The following RGL1 variants were observed in gnomAD, a reference collection of about 807,000 sequenced individuals.
The protein encoded by RGL1 is ral guanine nucleotide dissociation stimulator-like 1.
RGL1 carries 24 observed loss-of-function variants against 95.2 expected under a neutral mutation model. The ratio of observed to expected loss-of-function variants is 0.25; its 90% CI spans 0.18 to 0.35. The LOEUF (loss-of-function observed/expected upper bound fraction) is 0.35, where lower values mean the gene tolerates loss of function less well. RGL1 is among the 10% of genes least tolerant of loss of function. RGL1 has a pLI of 1.00. For missense variants in RGL1, 715 were observed against 936.3 expected, an observed-to-expected ratio of 0.76 and a Z score of 3.08; for synonymous variants, 329 against 344.9, an observed-to-expected ratio of 0.95 and a Z score of 0.51.
chr1:183,870,179 C>T lies in RGL1; in HGVS notation c.425+4106C>T, dbSNP rs546476538. ...AAATGACATCAGCCCCAAGTGAGGA[C>T]GGGACAGGGGCTTTGTAGTCCTCTG... On this transcript the variant is annotated intron_variant, in intron 4 of 17. Transcript: ENST00000360851. 2.6e-5 allele frequency among the ~76,000 whole-genome samples: 4 copies of T among 151,422 alleles called. No individual in the cohort carries two copies. In the South Asian group the frequency reaches 6.3e-4, roughly 24 times the overall value.
intron 2 of RGL1, among the ~76,000 whole-genome samples, chr1:183,819,202 T>G (rs1223476659): frequency 6.6e-6 from 1 of 152,214 alleles, no homozygotes; most frequent in Non-Finnish European, 1.5e-5. Context: ...AATAAGGCTT[T>G]GCCCTACATA....
At chr1:183,764,978 C>T (rs1658890586) in intron 2 of RGL1, among the ~76,000 whole-genome samples, 2 of 152,162 alleles carry the variant, frequency 1.3e-5, no homozygotes, top group African/African-American at 4.8e-5. Flanking sequence ...ATTCAACCTC[C>T]AAAGGCCTCT....
intron 2 of RGL1, among the ~76,000 whole-genome samples, chr1:183,767,456 T>C (rs1247017574): frequency 2.6e-5 from 4 of 152,188 alleles, no homozygotes; most frequent in Non-Finnish European, 5.9e-5. Context: ...GCTCCTGATA[T>C]GCAAATGAAT....
intron 3 of RGL1, among the ~76,000 whole-genome samples, chr1:183,850,565 T>G (rs1234040030): frequency 6.6e-6 from 1 of 152,200 alleles, no homozygotes; most frequent in African/African-American, 2.4e-5. Flanking sequence ...GTCTGTTCTT[T>G]GTCATACATT....
In RGL1 at chr1:183,776,031, A is replaced by T. The variant is rs1027707856; in HGVS notation, c.133-30344A>T. Among the ~76,000 whole-genome samples, 23 of 152,162 alleles carry T rather than the reference A, an allele frequency of 1.5e-4. 1 individual carries two copies. In the South Asian group the frequency reaches 3.9e-3, roughly 26 times the overall value. On this transcript the variant is annotated intron_variant, in intron 2 of 18. Coordinates refer to the RGL1 transcript ENST00000304685. Reference sequence around the variant, plus strand: ...AAACATCAAAAATAAATTGATTCCTACCTTTATAAATATAGAATAGGGAAT... The same window carrying T: ...AAACATCAAAAATAAATTGATTCCTTCCTTTATAAATATAGAATAGGGAAT...
chr1:183,802,045 T>C (rs879911113), upstream of RGL1, among the ~76,000 whole-genome samples: 1 of 152,104 alleles, frequency 6.6e-6, no homozygotes, highest in Non-Finnish European at 1.5e-5. Context: ...CTTTAAGGAG[T>C]TTTATAGTTT....
intron 1 of RGL1, among the ~76,000 whole-genome samples, chr1:183,644,305 G>A (rs1650140481): frequency 6.6e-6 from 1 of 152,098 alleles, no homozygotes; most frequent in Non-Finnish European, 1.5e-5. Context: ...TTCCTTATAT[G>A]TAAAGTAGTT....
intron 3 of RGL1, among the ~76,000 whole-genome samples, chr1:183,861,819 T>C (rs891400861): frequency 6.6e-6 from 1 of 152,184 alleles, no homozygotes; most frequent in Non-Finnish European, 1.5e-5. Flanking sequence ...TAATTAAACA[T>C]ACACACTCAT....
chr1:183,897,766 C>A, intron 9 of RGL1, 42 bp from the exon 10 acceptor site: 1 of 1,424,834 alleles, frequency 7.0e-7, no homozygotes. Context: ...ACCATTGTGG[C>A]ATCCTGTATC....
chr1:183,670,060 G>A (rs901658855), intron 1 of RGL1, among the ~76,000 whole-genome samples: 1 of 152,134 alleles, frequency 6.6e-6, no homozygotes, highest in Non-Finnish European at 1.5e-5. Flanking sequence ...GCATTCTGTG[G>A]TCTTATGAGT....
At chr1:183,763,117 T>C (rs992241568) in intron 2 of RGL1, among the ~76,000 whole-genome samples, 1 of 152,150 alleles carries the variant, frequency 6.6e-6, no homozygotes, top group Admixed American at 6.6e-5. Flanking sequence ...GAAGCCATCA[T>C]TCTAAGCAAA....
At chr1:183,662,373 C>T (rs975338471) in intron 1 of RGL1, among the ~76,000 whole-genome samples, 27 of 151,864 alleles carry the variant, frequency 1.8e-4, no homozygotes, top group Non-Finnish European at 3.8e-4. Flanking sequence ...TCTCAGGATA[C>T]AAAATCAATG....
At chr1:183,755,238 A>G (rs1188234656) in intron 2 of RGL1, among the ~76,000 whole-genome samples, 5 of 151,944 alleles carry the variant, frequency 3.3e-5, no homozygotes, top group African/African-American at 7.3e-5. Flanking sequence ...TTTTTTGGCC[A>G]TATTTAGTTA....
chr1:183,771,711 T>C lies in RGL1; in HGVS notation c.132+29422T>C, dbSNP rs553892981. ...AAGTGTTGGATAGCGGAGGACATGG[T>C]CCCTGGCTAGGGCTCCACCCCCACG... On this transcript the variant is annotated intron_variant, in intron 2 of 18. Transcript: ENST00000304685. Among the ~76,000 whole-genome samples, 5 of 152,078 alleles carry C rather than the reference T, an allele frequency of 3.3e-5. No homozygotes were observed. In the East Asian group the frequency reaches 7.8e-4, roughly 24 times the overall value.
At chr1:183,699,164 G>A (rs551626172) in intron 1 of RGL1, among the ~76,000 whole-genome samples, 1 of 152,226 alleles carries the variant, frequency 6.6e-6, no homozygotes, top group African/African-American at 2.4e-5. Context: ...TCACTGTGGG[G>A]TCAGTAGCTC....
intron 1 of RGL1, chr1:183,648,537 C>A: frequency 6.2e-7 from 1 of 1,614,132 alleles, no homozygotes; most frequent in Non-Finnish European, 8.5e-7. Flanking sequence ...GCTAGCATGG[C>A]CCTTTTGCAC....
At chr1:183,867,289 G>T (rs544720934) in intron 4 of RGL1, among the ~76,000 whole-genome samples, 2 of 152,186 alleles carry the variant, frequency 1.3e-5, no homozygotes, top group Non-Finnish European at 2.9e-5. Context: ...AGTTAGGGAA[G>T]TAGAGCGTCT....
At chr1:183,858,652 T>G (rs1001418764) in intron 3 of RGL1, among the ~76,000 whole-genome samples, 2 of 152,238 alleles carry the variant, frequency 1.3e-5, no homozygotes, top group African/African-American at 4.8e-5. Flanking sequence ...GTTAATTTTG[T>G]TTTTCATATC....
chr1:183,785,945 G>C (rs1490353513), intron 2 of RGL1, among the ~76,000 whole-genome samples: 3 of 149,698 alleles, frequency 2.0e-5, no homozygotes, highest in Non-Finnish European at 4.4e-5. Flanking sequence ...GGGGATGGTG[G>C]TGTGTGCCTG....
Sources: gnomAD v4.1 joint callset for allele counts (sites outside exome capture counted in the v4.1 genomes callset) on GRCh38, gnomAD v4.1.1 for gene constraint, MANE v1.5 for transcripts, NCBI Gene and HGNC (gene_info 2026-07-23, HGNC 2026-07-21) for gene names.